LY96: variants seen among roughly 807,000 people sequenced by gnomAD.
The protein encoded by LY96 is myeloid differentiation protein-2.
A neutral mutation model predicts 18.9 loss-of-function variants in LY96; 18 were observed. The ratio of observed to expected loss-of-function variants is 0.95; its 90% confidence interval spans 0.66 to 1.41. The LOEUF is 1.41. LY96 is among the 40% of genes most tolerant of loss of function. LY96 has a pLI of 0.00. For synonymous variants in LY96, 66 were observed against 62.6 expected (o/e 1.06, Z -0.26); for missense variants, 175 against 182.4 (o/e 0.96, Z 0.23).
At chr8:74,004,301 G>A (rs1037205898) in intron 1 of LY96, among the ~76,000 whole-genome samples, 2 of 152,272 alleles carry the variant, frequency 1.3e-5, no homozygotes, top group Non-Finnish European at 2.9e-5. Context: ...ACTCATCAGA[G>A]CTCCAAGACT....
intron 3 of LY96, among the ~76,000 whole-genome samples, chr8:74,025,187 GA>G (rs1163775345): frequency 1.3e-5 from 2 of 152,194 alleles, no homozygotes; most frequent in Non-Finnish European, 2.9e-5. Context: ...AGAAGGGACA[GA>G]GTTGTACTAC....
At chr8:74,020,363 G>A (rs1816733647) in intron 3 of LY96, among the ~76,000 whole-genome samples, 2 of 152,048 alleles carry the variant, frequency 1.3e-5, no homozygotes, top group Non-Finnish European at 1.5e-5. Flanking sequence ...AACTTACAAG[G>A]GTTGTAAAGG....
At chr8:74,045,418 C>A in the LY96 span, among the ~76,000 whole-genome samples, 2 of 152,182 alleles carry the variant, frequency 1.3e-5, no homozygotes, top group Admixed American at 1.3e-4. Flanking sequence ...CAAACCCTGA[C>A]ACATTTTAAG....
chr8:74,095,331 G>A, the LY96 span, among the ~76,000 whole-genome samples: 1 of 152,118 alleles, frequency 6.6e-6, no homozygotes, highest in African/African-American at 2.4e-5. Flanking sequence ...TTTCCTACAC[G>A]CACAGAAGCA....
At chr8:74,037,533 G>A in the LY96 span, among the ~76,000 whole-genome samples, 7 of 152,272 alleles carry the variant, frequency 4.6e-5, no homozygotes, top group Admixed American at 4.6e-4. Context: ...TCAGGAGGCT[G>A]AGGTGAGATG....
At chr8:74,014,936 G>A (rs1586655910) in intron 3 of LY96, among the ~76,000 whole-genome samples, 1 of 152,168 alleles carries the variant, frequency 6.6e-6, no homozygotes, top group Middle Eastern at 3.4e-3. Flanking sequence ...GCTGGGCACG[G>A]TAGCTCATGC....
the LY96 span, among the ~76,000 whole-genome samples, chr8:74,081,087 C>CTT: frequency 1.7e-4 from 16 of 93,022 alleles, no homozygotes; most frequent in East Asian, 3.2e-4. Context: ...TTCTCTTTCT[C>CTT]TCTTTCTTTC....
chr8:73,993,035 T>G lies in LY96; in HGVS notation c.112+1481T>G, dbSNP rs934216122. The stretch of plus-strand genomic sequence containing the variant: ...ACACCCGGCTAATTTTTTTTTTTTT[T>G]GTATTTTAGTAGAGACAGGGTTTCA... On this transcript the variant is annotated intron_variant, in intron 1 of 4. Transcript: ENST00000284818. Among the ~76,000 whole-genome samples the G allele has an allele frequency of 4.0e-5, 6 of 151,186 alleles. No homozygotes were observed. In the East Asian group the frequency reaches 1.2e-3, roughly 30 times the overall value.
At chr8:74,041,184 T>C in the LY96 span, among the ~76,000 whole-genome samples, 38 of 152,176 alleles carry the variant, frequency 2.5e-4, no homozygotes, top group African/African-American at 9.2e-4. Context: ...TGAACATAAA[T>C]TGTGAAGATT....
chr8:74,034,689 C>T, the LY96 span, among the ~76,000 whole-genome samples: 13 of 152,208 alleles, frequency 8.5e-5, no homozygotes, highest in South Asian at 2.1e-4. Flanking sequence ...AGTAGAGATG[C>T]GAATCTCCCT....
the LY96 span, among the ~76,000 whole-genome samples, chr8:74,084,068 G>A: frequency 6.6e-6 from 1 of 151,888 alleles, no homozygotes; most frequent in African/African-American, 2.4e-5. Context: ...GAAGAAACTG[G>A]ATGTTTTCTC....
chr8:74,002,835 G>C (rs1273123766), intron 1 of LY96, among the ~76,000 whole-genome samples: 1 of 152,006 alleles, frequency 6.6e-6, no homozygotes, highest in African/African-American at 2.4e-5. Flanking sequence ...CGGCCTCCCA[G>C]AGTGCTGGGA....
At chr8:74,051,838 G>A in the LY96 span, among the ~76,000 whole-genome samples, 2 of 152,144 alleles carry the variant, frequency 1.3e-5, no homozygotes, top group Non-Finnish European at 2.9e-5. Flanking sequence ...AGAAATAAAT[G>A]TTTGTTGCTT....
At chr8:74,014,484 G>GT (rs59403354) in intron 3 of LY96, among the ~76,000 whole-genome samples, 8,237 of 131,358 alleles carry the variant, frequency 0.063, 299 homozygotes, top group African/African-American at 0.1. Flanking sequence ...GAACAGGCAG[G>GT]TTTTTTTTTT....
At chr8:74,067,963 A>T in the LY96 span, among the ~76,000 whole-genome samples, 10 of 144,854 alleles carry the variant, frequency 6.9e-5, no homozygotes, top group South Asian at 2.4e-3. Flanking sequence ...AGGGAGGCTG[A>T]GGCAGGAGAA....
chr8:74,067,314 C>T, the LY96 span, among the ~76,000 whole-genome samples: 1 of 152,168 alleles, frequency 6.6e-6, no homozygotes, highest in African/African-American at 2.4e-5. Flanking sequence ...TCACTGTAGC[C>T]TCAACCTCCT....
the LY96 span, among the ~76,000 whole-genome samples, chr8:74,050,476 G>A: frequency 6.6e-6 from 1 of 151,892 alleles, no homozygotes; most frequent in Admixed American, 6.6e-5. Flanking sequence ...AGGTACAGAT[G>A]TTTTGCTTAT....
At chr8:74,047,251 G>A in the LY96 span, among the ~76,000 whole-genome samples, 1 of 152,162 alleles carries the variant, frequency 6.6e-6, no homozygotes, top group African/African-American at 2.4e-5. Flanking sequence ...TTGTGAAAGA[G>A]CCCGTTTTCT....
At chr8:74,017,798 A>G (rs1816674976) in intron 3 of LY96, among the ~76,000 whole-genome samples, 1 of 152,168 alleles carries the variant, frequency 6.6e-6, no homozygotes, top group African/African-American at 2.4e-5. Context: ...ACCCAGCCAA[A>G]CTAAGCTTCA....
Sources: allele counts gnomAD v4.1 joint callset (sites outside exome capture counted in the v4.1 genomes callset), GRCh38; gene constraint gnomAD v4.1.1; transcripts MANE v1.5; gene names NCBI Gene and HGNC (gene_info 2026-07-23, HGNC 2026-07-21).